GRM5: variants seen among roughly 807,000 people sequenced by gnomAD.
The protein encoded by GRM5 is glutamate metabotropic receptor 5.
In GRM5, 19 loss-of-function variants were observed where a neutral mutation model predicts 83.1. The observed-to-expected ratio is 0.23, with a 90% CI of 0.16 to 0.34. The LOEUF is 0.34. Ranked by LOEUF, GRM5 falls within the 10% of genes least tolerant of loss-of-function variation. The pLI is 1.00. For missense variants in GRM5, 1,160 were observed against 1,588.3 expected (o/e 0.73, Z 4.58); for synonymous variants, 675 against 633.6 (o/e 1.07, Z -0.98).
At chr11:88,525,243 C>A (rs1268823366) in intron 9 of GRM5, 66 bp downstream of exon 9, 10 of 904,888 alleles carry the variant, frequency 1.1e-5, no homozygotes, top group East Asian at 2.4e-5. Flanking sequence ...GACCAGGGAG[C>A]CACATGTTCC....
Position 88,505,393 on chromosome 11 carries a change from G to T in GRM5, c.*3199C>A, listed in dbSNP as rs1424739365. 6.6e-6 allele frequency: 1 copy of T among 152,214 alleles called. No individual in the cohort carries two copies. Among genetic ancestry groups the T allele is most frequent in the East Asian group, 1.9e-4 (1 of 5,206 alleles). The allele number at this position is 152,214 out of a possible 1,614,324, so 9.4% of individuals were successfully genotyped here. ...TTGGAAGTCACAGAACTGCAGCAGA[G>T]CTATTATACAATTCATTTACAGTCA... On this transcript the variant is annotated 3_prime_UTR_variant, in exon 10 of 10. Transcript: ENST00000305447.
intron 2 of GRM5, among the ~76,000 whole-genome samples, chr11:88,992,881 G>A (rs1340508382): frequency 7.3e-6 from 1 of 136,730 alleles, no homozygotes; most frequent in African/African-American, 2.7e-5. Context: ...GTGGGGGAGG[G>A]GGGAGGGATA....
chr11:88,836,116 G>A (rs2135525240), intron 3 of GRM5, among the ~76,000 whole-genome samples: 1 of 152,326 alleles, frequency 6.6e-6, no homozygotes, highest in African/African-American at 2.4e-5. Flanking sequence ...ATACTGCTAT[G>A]TAAGTAGGCA....
intron 6 of GRM5, among the ~76,000 whole-genome samples, chr11:88,594,883 G>A (rs1490935185): frequency 1.3e-5 from 2 of 152,164 alleles, no homozygotes; most frequent in African/African-American, 2.4e-5. Context: ...TTCAAGAACT[G>A]TTTGATTAGC....
At chr11:88,763,162 T>G (rs1302484326) in intron 3 of GRM5, among the ~76,000 whole-genome samples, 1 of 151,864 alleles carries the variant, frequency 6.6e-6, no homozygotes, top group Non-Finnish European at 1.5e-5. Flanking sequence ...CATGTACCCC[T>G]GAACCTAAAA....
At chr11:88,731,624 TTTGTTGTTG>T in intron 3 of GRM5, among the ~76,000 whole-genome samples, 1 of 152,058 alleles carries the variant, frequency 6.6e-6, no homozygotes, top group East Asian at 1.9e-4. Flanking sequence ...TTGATGGGAT[TTTGTTGTTG>T]TTGTTGTTGT....
chr11:88,648,250 A>G (rs948228697), intron 4 of GRM5, among the ~76,000 whole-genome samples: 2 of 150,112 alleles, frequency 1.3e-5, no homozygotes, highest in African/African-American at 4.9e-5. Flanking sequence ...CTTGGAACCA[A>G]TCCAAATGTC....
At chr11:88,903,515 G>T (rs1020774110) in intron 2 of GRM5, among the ~76,000 whole-genome samples, 1 of 152,120 alleles carries the variant, frequency 6.6e-6, no homozygotes, top group Non-Finnish European at 1.5e-5. Context: ...ATCAAGAGAT[G>T]ATTGGATAAA....
At chr11:89,062,171 C>T (rs937193629) in intron 1 of GRM5, among the ~76,000 whole-genome samples, 4 of 152,118 alleles carry the variant, frequency 2.6e-5, no homozygotes, top group Non-Finnish European at 5.9e-5. Flanking sequence ...ACAGAAATAG[C>T]CACAATTGAT....
chr11:88,919,238 C>A (rs867533477), intron 2 of GRM5, among the ~76,000 whole-genome samples: 42 of 32,392 alleles, frequency 1.3e-3, no homozygotes, highest in Middle Eastern at 0.025. Flanking sequence ...GCAGGAGTAG[C>A]TATATATATA....
At chr11:88,995,588 G>C (rs1940160440) in intron 2 of GRM5, among the ~76,000 whole-genome samples, 2 of 149,502 alleles carry the variant, frequency 1.3e-5, no homozygotes, top group Non-Finnish European at 3.0e-5. Flanking sequence ...GAAGTACATG[G>C]TATAAGGTAC....
intron 2 of GRM5, among the ~76,000 whole-genome samples, chr11:88,999,768 G>C (rs1445764333): frequency 2.0e-5 from 3 of 152,224 alleles, no homozygotes; most frequent in Admixed American, 6.5e-5. Flanking sequence ...AAATCATGCT[G>C]CTATAAAGAC....
intron 2 of GRM5, among the ~76,000 whole-genome samples, chr11:89,046,170 T>C (rs1941638454): frequency 6.6e-6 from 1 of 152,194 alleles, no homozygotes; most frequent in African/African-American, 2.4e-5. Context: ...TATGTATTTG[T>C]GCATAATATG....
chr11:88,672,052 T>C (rs1213941696), intron 3 of GRM5, among the ~76,000 whole-genome samples: 1 of 152,070 alleles, frequency 6.6e-6, no homozygotes, highest in Non-Finnish European at 1.5e-5. Context: ...AGGAGATTCA[T>C]CATTAATTCA....
At chr11:88,987,734 C>T (rs939783583) in intron 2 of GRM5, among the ~76,000 whole-genome samples, 1 of 151,838 alleles carries the variant, frequency 6.6e-6, no homozygotes, top group African/African-American at 2.4e-5. Context: ...TGGGAGGCAC[C>T]CCCCAGCAGG....
intron 3 of GRM5, among the ~76,000 whole-genome samples, chr11:88,661,572 T>C (rs780951681): frequency 3.3e-5 from 5 of 152,106 alleles, no homozygotes; most frequent in Admixed American, 6.6e-5. Context: ...TTAACAGATA[T>C]TTTGGGATTT....
rs1213542418 is a variant in GRM5, at chr11:88,845,821, C to T, written c.911+4085G>A. On this transcript the variant is annotated intron_variant, in intron 3 of 9. Transcript: ENST00000305447. ...TTGTGGTGGTCTGAAATCAAACGCA[C>T]ATTTTCTCCAAGGAATGCCTGTATA... Among the ~76,000 whole-genome samples the T allele has an allele frequency of 1.1e-4, 17 of 152,048 alleles. No homozygotes were observed. In the South Asian group the frequency reaches 2.5e-3, roughly 22 times the overall value.
chr11:88,777,140 T>C (rs1591508303), intron 3 of GRM5, among the ~76,000 whole-genome samples: 1 of 152,234 alleles, frequency 6.6e-6, no homozygotes, highest in East Asian at 1.9e-4. Flanking sequence ...GTTCATTTCT[T>C]TTTACTCCTT....
At chr11:88,921,451 G>A (rs1163291515) in intron 2 of GRM5, among the ~76,000 whole-genome samples, 4 of 151,930 alleles carry the variant, frequency 2.6e-5, no homozygotes, top group African/African-American at 4.8e-5. Flanking sequence ...GTGAAACCCC[G>A]TCTCTAGTAA....
Sources: gnomAD v4.1 joint callset for allele counts (sites outside exome capture counted in the v4.1 genomes callset) on GRCh38, gnomAD v4.1.1 for gene constraint, MANE v1.5 for transcripts, NCBI Gene and HGNC (gene_info 2026-07-23, HGNC 2026-07-21) for gene names.